Variants in SAR1B observed in about 807,000 individuals in gnomAD.
SAR1B encodes secretion associated Ras related GTPase 1B, also known as small COPII coat GTPase SAR1B.
In SAR1B, 23 loss-of-function variants were observed where a neutral mutation model predicts 26.8. The observed-to-expected ratio is 0.86, with a 90% CI of 0.62 to 1.22. SAR1B has a LOEUF of 1.22. Ranked by LOEUF, SAR1B falls within the 50% of genes most tolerant of loss-of-function variation. The pLI, the probability that SAR1B is intolerant of heterozygous loss-of-function variation, is 0.00. For missense variants in SAR1B, 196 were observed against 232.8 expected, an observed-to-expected ratio of 0.84 and a Z score of 1.03; for synonymous variants, 65 against 80.8, an observed-to-expected ratio of 0.80 and a Z score of 1.05.
intron 2 of SAR1B, among the ~76,000 whole-genome samples, chr5:134,623,046 CA>C (rs1404872965): frequency 6.7e-6 from 1 of 148,994 alleles, no homozygotes; most frequent in Non-Finnish European, 1.5e-5. Context: ...TTGCTTGAAC[CA>C]GGAGGCGAAG....
chr5:134,610,303 C>CA (rs1206766199), intron 4 of SAR1B, among the ~76,000 whole-genome samples: 1 of 151,736 alleles, frequency 6.6e-6, no homozygotes, highest in Non-Finnish European at 1.5e-5. Context: ...CTCATCTCTA[C>CA]AAAAAAACAC....
rs939494314 is a variant in SAR1B at position 134,612,930 on chromosome 5, C to T, written c.179-174G>A. The T allele has an allele frequency of 9.9e-6, 6 of 604,462 alleles. No homozygotes were observed. In the African/African-American group the frequency reaches 1.1e-4, roughly 11 times the overall value. 37.4% of individuals were successfully genotyped at this position (604,462 alleles called of 1,614,324 possible). ...GACCCGTGCTAACATTCTTAAATAT[C>T]TGCCAGCCGTAATAAAGAAATCAAT... On this transcript the variant is annotated intron_variant, in intron 3 of 6. Transcript: ENST00000402673.
At chr5:134,625,948 T>C (rs1305114501) in intron 1 of SAR1B, 1 of 152,118 alleles carries the variant, frequency 6.6e-6, no homozygotes, top group Non-Finnish European at 1.5e-5. Flanking sequence ...CCAAGAGAGA[T>C]AATCTAAGAA....
chr5:134,612,689 A>T lies in SAR1B; in HGVS notation c.244+2T>A. ...AAAAAAAAAAAAAAAAAAGAATCTTACCTTGAACATGTCCACCCAGATCAA... is the reference window on the plus strand; with the variant it reads ...AAAAAAAAAAAAAAAAAAGAATCTTTCCTTGAACATGTCCACCCAGATCAA... On this transcript the variant is annotated splice_donor_variant, in intron 4 of 6. Coordinates refer to ENST00000402673, the MANE Select transcript of SAR1B (RefSeq NM_016103.4). LOFTEE classifies it high-confidence loss of function. 9.8e-7 allele frequency: 1 copy of T among 1,025,334 alleles called. No individual in the cohort carries two copies. Among genetic ancestry groups the T allele is most frequent in the Non-Finnish European group, 1.4e-6 (1 of 702,106 alleles). 63.5% of individuals were successfully genotyped at this position (1,025,334 alleles called of 1,614,324 possible). A position where few individuals can be genotyped will look rare whatever the true frequency, so the allele number is the denominator to read the frequency against.
At chr5:134,623,139 AAAAG>A (rs1193046093) in intron 2 of SAR1B, among the ~76,000 whole-genome samples, 4 of 148,600 alleles carry the variant, frequency 2.7e-5, no homozygotes, top group African/African-American at 5.0e-5. Flanking sequence ...AAAAAAAAGA[AAAAG>A]AAAAAACTGT....
At chr5:134,611,027 T>C (rs60781396) in intron 4 of SAR1B, among the ~76,000 whole-genome samples, 2,154 of 152,104 alleles carry the variant, frequency 0.014, 60 homozygotes, top group African/African-American at 0.049. Context: ...CTATGCCCCA[T>C]TAATTGTTAA....
chr5:134,630,218 G>A (rs922893226), intron 1 of SAR1B, among the ~76,000 whole-genome samples: 1 of 152,126 alleles, frequency 6.6e-6, no homozygotes, highest in African/African-American at 2.4e-5. Context: ...CACTTTGGGA[G>A]GCTGAGGGGG....
chr5:134,623,136 A>AAT (rs1765440805), intron 2 of SAR1B, among the ~76,000 whole-genome samples: 1 of 149,512 alleles, frequency 6.7e-6, no homozygotes, highest in Non-Finnish European at 1.5e-5. Flanking sequence ...AAAAAAAAAA[A>AAT]GAAAAAGAAA....
chr5:134,609,791 A>G, intron 4 of SAR1B, 117 bp from the exon 5 acceptor site: 1 of 767,768 alleles, frequency 1.3e-6, no homozygotes, highest in Non-Finnish European at 2.3e-6. Context: ...GGTACTTCAC[A>G]ATATATTCAA....
At chr5:134,608,035 A>C (rs1765157593) in intron 6 of SAR1B, among the ~76,000 whole-genome samples, 1 of 152,242 alleles carries the variant, frequency 6.6e-6, no homozygotes, top group African/African-American at 2.4e-5. Context: ...TGGTAAACTC[A>C]GGGCCTAAAC....
chr5:134,631,221 T>C (rs1199530768), intron 1 of SAR1B, among the ~76,000 whole-genome samples: 1 of 152,196 alleles, frequency 6.6e-6, no homozygotes, highest in Non-Finnish European at 1.5e-5. Flanking sequence ...ATACCTTATT[T>C]AAACTGCTAA....
chr5:134,630,875 A>AT (rs1434485241), intron 1 of SAR1B, among the ~76,000 whole-genome samples: 1 of 83,420 alleles, frequency 1.2e-5, no homozygotes, highest in South Asian at 3.6e-4. Flanking sequence ...TTCCTTTTCT[A>AT]TTTCTTTTTT....
At chr5:134,621,854 A>G (rs1357452880) in intron 2 of SAR1B, among the ~76,000 whole-genome samples, 6 of 152,160 alleles carry the variant, frequency 3.9e-5, no homozygotes, top group African/African-American at 1.4e-4. Flanking sequence ...CTCCCACCTC[A>G]GCCTCCTGAG....
At chr5:134,609,424 C>T (rs185051786) in intron 5 of SAR1B, 147 bp downstream of exon 5, 6 of 702,328 alleles carry the variant, frequency 8.5e-6, no homozygotes, top group Non-Finnish European at 1.5e-5. Context: ...GTAATCACTA[C>T]TTAAAGCAAT....
At chr5:134,625,983 A>G (rs1765486449) in intron 1 of SAR1B, 1 of 152,124 alleles carries the variant, frequency 6.6e-6, no homozygotes, top group African/African-American at 2.4e-5. Flanking sequence ...TTTGGAAGAT[A>G]ATAATATATA....
intron 6 of SAR1B, among the ~76,000 whole-genome samples, chr5:134,608,048 A>C (rs1765157729): frequency 6.6e-6 from 1 of 152,226 alleles, no homozygotes; most frequent in African/African-American, 2.4e-5. Flanking sequence ...GCCTAAACAC[A>C]CTACTGGTAT....
At chr5:134,628,328 TAA>T (rs61707884) in intron 1 of SAR1B, among the ~76,000 whole-genome samples, 3 of 140,030 alleles carry the variant, frequency 2.1e-5, no homozygotes, top group African/African-American at 5.3e-5. Context: ...AGGGGTCCTG[TAA>T]AAAAAAAAAA....
chr5:134,611,499 T>C lies in SAR1B; in HGVS notation c.244+1192A>G, dbSNP rs549199167. Among the ~76,000 whole-genome samples the C allele has an allele frequency of 1.1e-4, 16 of 151,910 alleles. No individual in the cohort carries two copies. In the East Asian group the frequency reaches 2.7e-3, roughly 26 times the overall value. ...ACTTTGGGAAATTGAGGTAGGAGGA[T>C]TGCTTGAGGCCAGGACTTCAAAATC... On this transcript the variant is annotated intron_variant, in intron 4 of 6. Transcript: ENST00000402673.
chr5:134,607,687 G>A (rs377705014), intron 6 of SAR1B, among the ~76,000 whole-genome samples: 6 of 151,032 alleles, frequency 4.0e-5, no homozygotes, highest in Non-Finnish European at 5.9e-5. Flanking sequence ...CAGGAGAATC[G>A]CTTGAACCTG....
Sources: gnomAD v4.1 joint callset for allele counts (sites outside exome capture counted in the v4.1 genomes callset) on GRCh38, gnomAD v4.1.1 for gene constraint, MANE v1.5 for transcripts, NCBI Gene and HGNC (gene_info 2026-07-23, HGNC 2026-07-21) for gene names.